SYCE1L: variants seen among roughly 807,000 people sequenced by gnomAD.
SYCE1L encodes synaptonemal complex central element protein 1-like.
In SYCE1L, 51 loss-of-function variants were observed where a neutral mutation model predicts 39.6. The ratio of observed to expected loss-of-function variants is 1.29; its 90% CI spans 1.03 to 1.63. The LOEUF (loss-of-function observed/expected upper bound fraction) is 1.63. SYCE1L is among the 40% of genes most tolerant of loss of function. The pLI, the probability that SYCE1L is intolerant of heterozygous loss-of-function variation, is 0.00. For missense variants in SYCE1L, 426 were observed against 304.9 expected (o/e 1.40, Z -2.96); for synonymous variants, 147 against 122.4 (o/e 1.20, Z -1.33).
chr16:77,209,595 C>G, intron 6 of SYCE1L, 124 bp downstream of exon 6: 1 of 1,027,992 alleles, frequency 9.7e-7, no homozygotes, highest in Non-Finnish European at 1.4e-6. Flanking sequence ...AATAGAGCAG[C>G]CTGACAAAAG....
chr16:77,203,890 C>T (rs557357639), intron 1 of SYCE1L, among the ~76,000 whole-genome samples: 10 of 152,054 alleles, frequency 6.6e-5, no homozygotes, highest in East Asian at 1.9e-4. Flanking sequence ...CCACTGCACC[C>T]GGCCGTTACT....
intron 1 of SYCE1L, chr16:77,201,270 C>G (rs1420511200): frequency 6.6e-6 from 1 of 152,054 alleles, no homozygotes; most frequent in Non-Finnish European, 1.5e-5. Context: ...AAGACAGATG[C>G]AAATAGATCT....
At chr16:77,203,490 G>A (rs1010301694) in intron 1 of SYCE1L, among the ~76,000 whole-genome samples, 21 of 150,468 alleles carry the variant, frequency 1.4e-4, no homozygotes, top group Non-Finnish European at 1.2e-4. Flanking sequence ...ATAAGCTCAG[G>A]TTAAAAAACC....
intron 2 of SYCE1L, among the ~76,000 whole-genome samples, chr16:77,207,071 G>T (rs9930814): frequency 1.3e-5 from 2 of 151,750 alleles, no homozygotes; most frequent in African/African-American, 4.8e-5. Context: ...TGCAGAAGAA[G>T]TGCACTGGGA....
chr16:77,202,582 C>A (rs1282902035), intron 1 of SYCE1L, among the ~76,000 whole-genome samples: 1 of 152,026 alleles, frequency 6.6e-6, no homozygotes, highest in African/African-American at 2.4e-5. Flanking sequence ...CAAATGCCAG[C>A]CATAAAAAAG....
intron 10 of SYCE1L, 65 bp downstream of exon 10, chr16:77,212,711 TC>T: frequency 6.9e-7 from 1 of 1,440,050 alleles, no homozygotes. Flanking sequence ...CGGGCGGGGG[TC>T]CTGGGAGCGG....
At chr16:77,211,673 C>G (rs988295215) in intron 7 of SYCE1L, among the ~76,000 whole-genome samples, 2 of 152,160 alleles carry the variant, frequency 1.3e-5, no homozygotes, top group Non-Finnish European at 2.9e-5. Flanking sequence ...TCAAAGAGTC[C>G]ACGTCTTTGC....
intron 1 of SYCE1L, among the ~76,000 whole-genome samples, chr16:77,204,027 C>T (rs1417065905): frequency 6.6e-6 from 1 of 151,292 alleles, no homozygotes; most frequent in Admixed American, 6.6e-5. Flanking sequence ...GGTACTTATT[C>T]ATCAGAAAGT....
At chr16:77,211,939 C>CA (rs1265512821) in intron 7 of SYCE1L, among the ~76,000 whole-genome samples, 191 bp from the exon 8 acceptor site, 1 of 151,746 alleles carries the variant, frequency 6.6e-6, no homozygotes, top group Non-Finnish European at 1.5e-5. Context: ...TGCCTGGAGA[C>CA]ATGGAGAGCG....
intron 4 of SYCE1L, 123 bp from the exon 5 acceptor site, chr16:77,208,974 A>G: frequency 1.9e-6 from 2 of 1,059,276 alleles, no homozygotes; most frequent in Non-Finnish European, 2.8e-6. Context: ...AAGGGTGGCA[A>G]GAAGATACCT....
At chr16:77,201,556 G>A (rs1037406806) in intron 1 of SYCE1L, 1 of 152,176 alleles carries the variant, frequency 6.6e-6, no homozygotes, top group Non-Finnish European at 1.5e-5. Flanking sequence ...AGTCGGCAGA[G>A]TATTTTTAGC....
At chr16:77,209,194 A>C in intron 5 of SYCE1L, 50 bp downstream of exon 5, 3 of 1,540,826 alleles carry the variant, frequency 1.9e-6, no homozygotes, top group Non-Finnish European at 2.6e-6. Flanking sequence ...CACCCCACAA[A>C]AGTCTATGCT....
intron 1 of SYCE1L, among the ~76,000 whole-genome samples, chr16:77,203,419 G>A (rs2054760517): frequency 9.8e-6 from 1 of 102,492 alleles, no homozygotes; most frequent in African/African-American, 2.7e-5. Context: ...AGGATTTCAG[G>A]CCAAAAAAAA....
At chr16:77,209,337 A>C in intron 5 of SYCE1L, 80 bp from the exon 6 acceptor site, 1 of 1,467,428 alleles carries the variant, frequency 6.8e-7, no homozygotes, top group Non-Finnish European at 9.3e-7. Context: ...AATGCCTGAC[A>C]TGATGTGGGG....
chr16:77,209,370 G>GAC, intron 5 of SYCE1L, 47 bp from the exon 6 acceptor site: 1 of 1,549,360 alleles, frequency 6.5e-7, no homozygotes, highest in Middle Eastern at 1.7e-4. Flanking sequence ...GGCCAACCCT[G>GAC]ACTCCCCAAG....
At chr16:77,202,112 A>G (rs1343380774) in intron 1 of SYCE1L, 1 of 152,218 alleles carries the variant, frequency 6.6e-6, no homozygotes, top group African/African-American at 2.4e-5. Flanking sequence ...ATAAAGGAGA[A>G]GAGGCAAAAT....
chr16:77,199,837 A>C (rs1452023317), intron 1 of SYCE1L: 1 of 222,972 alleles, frequency 4.5e-6, no homozygotes, highest in Non-Finnish European at 8.8e-6. Flanking sequence ...TGCTGCAGCC[A>C]CCCCTTATTA....
intron 4 of SYCE1L, 40 bp downstream of exon 4, chr16:77,208,579 T>A (rs1156370506): frequency 6.5e-7 from 1 of 1,544,642 alleles, no homozygotes; most frequent in Admixed American, 2.0e-5. Flanking sequence ...ACACTGCAGA[T>A]GTTCCTGTGC....
chr16:77,200,291 T>TATATATACATATATATATAC, intron 1 of SYCE1L: 26 of 111,434 alleles, frequency 2.3e-4, no homozygotes, highest in Admixed American at 1.1e-3. Context: ...TATATATATA[T>TATATATACATATATATATAC]ACACACACTA....
Sources: gnomAD v4.1 joint callset for allele counts (sites outside exome capture counted in the v4.1 genomes callset) on GRCh38, gnomAD v4.1.1 for gene constraint, MANE v1.5 for transcripts, NCBI Gene and HGNC (gene_info 2026-07-23, HGNC 2026-07-21) for gene names.